The following RDX variants were observed in gnomAD, a reference collection of about 807,000 sequenced individuals.
RDX encodes the protein radixin.
A neutral mutation model predicts 83.7 loss-of-function variants in RDX; 32 were observed. The ratio of observed to expected loss-of-function variants is 0.38; its 90% CI spans 0.29 to 0.51. The LOEUF (loss-of-function observed/expected upper bound fraction) is 0.51, where lower values mean the gene tolerates loss of function less well. Among genes scored for constraint, RDX ranks in the 20% least tolerant of loss-of-function variants. The pLI, the probability that RDX is intolerant of heterozygous loss-of-function variation, is 0.87. For synonymous variants in RDX, 229 were observed against 222.7 expected, an observed-to-expected ratio of 1.03 and a Z score of -0.25; for missense variants, 600 against 689.9, an observed-to-expected ratio of 0.87 and a Z score of 1.46.
chr11:110,241,741 T>A (rs1019601059), intron 10 of RDX, among the ~76,000 whole-genome samples: 3 of 152,122 alleles, frequency 2.0e-5, no homozygotes, highest in Non-Finnish European at 4.4e-5. Flanking sequence ...TACCTGAATA[T>A]CCATGTTCAT....
chr11:110,207,143 T>G, intron 14 of RDX, among the ~76,000 whole-genome samples: 1 of 151,974 alleles, frequency 6.6e-6, no homozygotes, highest in East Asian at 1.9e-4. Flanking sequence ...CCAACTAAGT[T>G]TTGTATTTTT....
intron 14 of RDX, among the ~76,000 whole-genome samples, chr11:110,202,591 CTTTCTTTTTTTTTTT>C (rs1046954368): frequency 1.4e-5 from 2 of 142,088 alleles, no homozygotes; most frequent in Non-Finnish European, 3.1e-5. Context: ...GCTAATTTTT[CTTTCTTTTTTTTTTT>C]TTTTTTTGGT....
rs562444637 is a variant in RDX at position 110,264,737 on chromosome 11, C to T, written c.192+42G>A. The T allele has an allele frequency of 5.3e-5, 74 of 1,389,192 alleles. 2 individuals are homozygous for T. The East Asian group carries it at 1.7e-3, about 32-fold the overall frequency. The allele number at this position is 1,389,192 out of a possible 1,614,324, so 86.1% of individuals were successfully genotyped here. ...TTCCAGCACAAATTCATAACTTCAA[C>T]TTAACATAATTATTAGTTTAATGTT... On this transcript the variant is annotated intron_variant, in intron 4 of 13. Transcript: ENST00000645495.
At chr11:110,222,178 AAC>A (rs1591122878) in intron 14 of RDX, among the ~76,000 whole-genome samples, 2 of 152,220 alleles carry the variant, frequency 1.3e-5, no homozygotes, top group East Asian at 1.9e-4. Flanking sequence ...GGTGGCAGAC[AAC>A]ATTTTCCTAT....
At chr11:110,189,582 C>A (rs181906560) in intron 15 of RDX, among the ~76,000 whole-genome samples, 1 of 152,106 alleles carries the variant, frequency 6.6e-6, no homozygotes, top group Non-Finnish European at 1.5e-5. Context: ...ACAGAAAATA[C>A]TGTAAGATTG....
chr11:110,241,517 G>A (rs1344991261), intron 10 of RDX, among the ~76,000 whole-genome samples: 1 of 152,082 alleles, frequency 6.6e-6, no homozygotes, highest in Admixed American at 6.5e-5. Context: ...GGCTGGTCTC[G>A]AACTCCCGAC....
chr11:110,259,496 T>A (rs1248235308), intron 5 of RDX, among the ~76,000 whole-genome samples: 1 of 152,178 alleles, frequency 6.6e-6, no homozygotes, highest in African/African-American at 2.4e-5. Flanking sequence ...AATGATAAAA[T>A]CTCCCCCTGG....
chr11:110,275,540 T>C (rs1437783570), intron 2 of RDX, among the ~76,000 whole-genome samples: 1 of 152,220 alleles, frequency 6.6e-6, no homozygotes, highest in African/African-American at 2.4e-5. Context: ...CTCATTCTCA[T>C]CTGCGAATGT....
chr11:110,183,352 C>A (rs544933247), intron 15 of RDX, among the ~76,000 whole-genome samples: 3 of 152,258 alleles, frequency 2.0e-5, no homozygotes, highest in African/African-American at 4.8e-5. Flanking sequence ...AAAGTTCTTG[C>A]GTTCTTGCTC....
At chr11:110,193,377 G>A (rs1863139044) in intron 15 of RDX, among the ~76,000 whole-genome samples, 1 of 152,126 alleles carries the variant, frequency 6.6e-6, no homozygotes, top group African/African-American at 2.4e-5. Context: ...AGACGGGAGA[G>A]AGGGTTGGGG....
intron 14 of RDX, among the ~76,000 whole-genome samples, chr11:110,208,535 T>C (rs757194675): frequency 1.3e-5 from 2 of 152,212 alleles, no homozygotes; most frequent in African/African-American, 4.8e-5. Context: ...TCAACACCTA[T>C]TGGGTGGCTT....
At chr11:110,296,311 G>C (rs1048636254) in intron 1 of RDX, among the ~76,000 whole-genome samples, 156 bp downstream of exon 1, 3 of 151,904 alleles carry the variant, frequency 2.0e-5, no homozygotes, top group African/African-American at 7.2e-5. Flanking sequence ...TACCACAGTG[G>C]CGCCTCGGCC....
intron 15 of RDX, among the ~76,000 whole-genome samples, chr11:110,192,854 C>G (rs1202236337): frequency 6.8e-6 from 1 of 147,042 alleles, no homozygotes; most frequent in East Asian, 2.0e-4. Context: ...ATTGAAAAGT[C>G]AAAAAAAAAA....
At chr11:110,260,470 C>T (rs1487571156) in intron 5 of RDX, among the ~76,000 whole-genome samples, 3 of 151,802 alleles carry the variant, frequency 2.0e-5, no homozygotes, top group East Asian at 3.9e-4. Context: ...GAGATGGAGT[C>T]TCGCTCTGTC....
chr11:110,188,332 TAATAAC>T (rs1350759463), intron 15 of RDX, among the ~76,000 whole-genome samples: 5 of 148,804 alleles, frequency 3.4e-5, no homozygotes, highest in African/African-American at 1.2e-4. Flanking sequence ...ATAATAATAA[TAATAAC>T]AATAATAATG....
At chr11:110,254,146 A>T (rs1244227249) in intron 8 of RDX, 37 bp from the exon 9 acceptor site, 1 of 1,554,676 alleles carries the variant, frequency 6.4e-7, no homozygotes. Context: ...AATCTTCCTC[A>T]AGGATACTGT....
chr11:110,199,097 G>A (rs1420715447), intron 15 of RDX, among the ~76,000 whole-genome samples: 2 of 152,140 alleles, frequency 1.3e-5, no homozygotes, highest in East Asian at 3.8e-4. Context: ...TTATAGGCAT[G>A]AGCTACCGCA....
chr11:110,179,529 T>A (rs1244578567), intron 15 of RDX, among the ~76,000 whole-genome samples: 5 of 152,224 alleles, frequency 3.3e-5, no homozygotes, highest in Non-Finnish European at 7.3e-5. Flanking sequence ...TCCCAGCACT[T>A]CGGAAGGCCG....
At chr11:110,269,316 G>A (rs1860197088) in intron 3 of RDX, among the ~76,000 whole-genome samples, 1 of 152,046 alleles carries the variant, frequency 6.6e-6, no homozygotes, top group South Asian at 2.1e-4. Context: ...CGTAACAGAT[G>A]TTCTTGCACA....
Sources: gnomAD v4.1 joint callset for allele counts (sites outside exome capture counted in the v4.1 genomes callset) on GRCh38, gnomAD v4.1.1 for gene constraint, MANE v1.5 for transcripts, NCBI Gene and HGNC (gene_info 2026-07-23, HGNC 2026-07-21) for gene names.